Variants in SDK1 observed in about 807,000 individuals in gnomAD.
The protein encoded by SDK1 is protein sidekick-1.
Under a neutral mutation model 245.5 loss-of-function variants are expected in SDK1, and 157 were observed. That is an observed-to-expected ratio of 0.64 (90% CI 0.56 to 0.73). The LOEUF is 0.73. Ranked by LOEUF, SDK1 falls within the 30% of genes least tolerant of loss-of-function variation. The probability of loss-of-function intolerance (pLI) is 0.00; values close to 1 mark genes in which losing one functional copy is unlikely to be tolerated. For missense variants in SDK1, 3,583 were observed against 3,002.3 expected (o/e 1.19, Z -4.52); for synonymous variants, 1,647 against 1,278.5 (o/e 1.29, Z -6.15).
chr7:3,858,720 C>T (rs945141776), intron 5 of SDK1, among the ~76,000 whole-genome samples: 2 of 151,116 alleles, frequency 1.3e-5, no homozygotes, highest in African/African-American at 4.9e-5. Context: ...GAAGAATTTC[C>T]CTATCAGGTG....
At chr7:3,882,423 C>G (rs1277677263) in intron 5 of SDK1, among the ~76,000 whole-genome samples, 7 of 152,216 alleles carry the variant, frequency 4.6e-5, no homozygotes, top group Admixed American at 2.6e-4. Flanking sequence ...GCCCCTCTTT[C>G]TCTTCAAGGG....
intron 4 of SDK1, among the ~76,000 whole-genome samples, chr7:3,754,233 ATTAAG>A (rs1209625086): frequency 6.6e-6 from 1 of 152,206 alleles, no homozygotes; most frequent in Non-Finnish European, 1.5e-5. Context: ...CCAGGGATTT[ATTAAG>A]TTATAATTGA....
chr7:4,131,258 T>C (rs1443434538), intron 27 of SDK1, among the ~76,000 whole-genome samples: 1 of 152,186 alleles, frequency 6.6e-6, no homozygotes, highest in Non-Finnish European at 1.5e-5. Context: ...CGCTGCTTCC[T>C]CTCCCACAGC....
intron 35 of SDK1, among the ~76,000 whole-genome samples, chr7:4,194,750 G>A (rs1393558908): frequency 6.6e-6 from 1 of 152,096 alleles, no homozygotes; most frequent in Non-Finnish European, 1.5e-5. Flanking sequence ...CATTAAGGGT[G>A]GGTCTGCTTT....
intron 32 of SDK1, among the ~76,000 whole-genome samples, chr7:4,170,043 G>GACTTTTCCA (rs1238182221): frequency 4.6e-4 from 70 of 152,234 alleles, no homozygotes; most frequent in Middle Eastern, 6.8e-3. Context: ...CTCACATACC[G>GACTTTTCCA]ACTTTTCCAA....
intron 12 of SDK1, among the ~76,000 whole-genome samples, chr7:3,973,762 C>T (rs1418006725): frequency 1.3e-5 from 2 of 152,186 alleles, no homozygotes; most frequent in Admixed American, 6.5e-5. Flanking sequence ...CAAGGTCAGA[C>T]AGGCAGGGCC....
chr7:4,023,129 T>C (rs1787055995), intron 17 of SDK1, among the ~76,000 whole-genome samples: 2 of 152,140 alleles, frequency 1.3e-5, no homozygotes, highest in South Asian at 4.1e-4. Flanking sequence ...ATGCATGGTT[T>C]GTCCACTCCA....
chr7:3,442,494 C>T (rs146547503), intron 1 of SDK1, among the ~76,000 whole-genome samples: 3 of 152,296 alleles, frequency 2.0e-5, no homozygotes, highest in South Asian at 4.1e-4. Context: ...CCTCCTAAGA[C>T]CTCTCTTTTA....
chr7:3,555,620 C>T (rs927380962), intron 1 of SDK1, among the ~76,000 whole-genome samples: 1 of 152,048 alleles, frequency 6.6e-6, no homozygotes, highest in African/African-American at 2.4e-5. Context: ...GGAAAACAAT[C>T]AACAAAGCAA....
chr7:3,617,907 G>C (rs550809555), intron 1 of SDK1, among the ~76,000 whole-genome samples: 2 of 152,282 alleles, frequency 1.3e-5, no homozygotes, highest in South Asian at 2.1e-4. Flanking sequence ...CTTGGCTTGG[G>C]TTTAAATGTG....
intron 1 of SDK1, among the ~76,000 whole-genome samples, chr7:3,372,049 AACAT>A: frequency 6.6e-6 from 1 of 152,208 alleles, no homozygotes; most frequent in Non-Finnish European, 1.5e-5. Context: ...CTACGTTGTT[AACAT>A]ACAGTTTACA....
chr7:4,063,002 C>T (rs1325364649), intron 19 of SDK1, among the ~76,000 whole-genome samples: 1 of 152,196 alleles, frequency 6.6e-6, no homozygotes, highest in Non-Finnish European at 1.5e-5. Flanking sequence ...TAACATCACA[C>T]TGAATGGGGA....
chr7:3,454,423 T>C (rs73036759), intron 1 of SDK1, among the ~76,000 whole-genome samples: 49 of 150,152 alleles, frequency 3.3e-4, no homozygotes, highest in Admixed American at 1.1e-3. Context: ...TGTGTGTGTG[T>C]GCTGTGTACA....
rs1168023158 is a variant in SDK1 at position 3,301,525 on chromosome 7, C to T, written c.-62C>T. The stretch of plus-strand genomic sequence containing the variant: ...CGGAGTGGCCGCGCCCGCTCGGAGC[C>T]GTCCCGCCTGTCCTGCCCGCCCGTC... On this transcript the variant is annotated 5_prime_UTR_variant, in exon 1 of 45. Transcript: ENST00000404826. 5.1e-6 allele frequency: 3 copies of T among 586,096 alleles called. No individual in the cohort carries two copies. The highest frequency in any genetic ancestry group is 8.8e-4 in the Middle Eastern group (1 of 1,138). The allele number at this position is 586,096 out of a possible 1,614,324, so 36.3% of individuals were successfully genotyped here. A position where few individuals can be genotyped will look rare whatever the true frequency, so the allele number is the denominator to read the frequency against.
intron 42 of SDK1, among the ~76,000 whole-genome samples, chr7:4,238,398 G>C (rs2079401): frequency 0.64 from 97,149 of 151,762 alleles, 32,971 homozygotes; most frequent in African/African-American, 0.87. Flanking sequence ...TTTTTTAATA[G>C]TATTAGAAAG....
intron 1 of SDK1, among the ~76,000 whole-genome samples, chr7:3,444,229 C>G (rs544379169): frequency 2.6e-5 from 4 of 152,120 alleles, no homozygotes; most frequent in Non-Finnish European, 5.9e-5. Flanking sequence ...TTTGGGTGGT[C>G]TCCCTGGCAG....
Position 3,727,021 on chromosome 7 carries a change from C to G in SDK1, c.713+84916C>G, listed in dbSNP as rs542114493. Among the ~76,000 whole-genome samples the G allele has an allele frequency of 9.7e-4, 148 of 152,316 alleles. 1 individual carries two copies. The highest frequency in any genetic ancestry group is 1.8e-3 in the Non-Finnish European group (120 of 68,028). ...TAAATTGACCATGAATAAGGTAGGT[C>G]TCTTTGACTGACAGTCTTGGGAATG... is the stretch of plus-strand genomic sequence containing the variant. On this transcript the variant is annotated intron_variant, in intron 4 of 44. Transcript: ENST00000404826.
chr7:3,995,015 A>T (rs1385070610), intron 14 of SDK1, among the ~76,000 whole-genome samples: 1 of 152,120 alleles, frequency 6.6e-6, no homozygotes, highest in Non-Finnish European at 1.5e-5. Flanking sequence ...TGTCCTCCCT[A>T]GGTTGCCAGC....
chr7:3,406,313 A>G (rs1360189072), intron 1 of SDK1, among the ~76,000 whole-genome samples: 5 of 152,192 alleles, frequency 3.3e-5, no homozygotes, highest in East Asian at 1.9e-4. Flanking sequence ...TCTGTGGGAA[A>G]GCTTTTCAGA....
Sources: gnomAD v4.1 joint callset for allele counts (sites outside exome capture counted in the v4.1 genomes callset) on GRCh38, gnomAD v4.1.1 for gene constraint, MANE v1.5 for transcripts, NCBI Gene and HGNC (gene_info 2026-07-23, HGNC 2026-07-21) for gene names.